PIEZO2: variants seen among roughly 807,000 people sequenced by gnomAD.
PIEZO2 encodes the protein piezo type mechanosensitive ion channel component 2, also known as piezo-type mechanosensitive ion channel component 2.
Under a neutral mutation model 337.3 loss-of-function variants are expected in PIEZO2, and 172 were observed. The ratio of observed to expected loss-of-function variants is 0.51; its 90% CI spans 0.45 to 0.58. The LOEUF is 0.58. PIEZO2 is among the 20% of genes least tolerant of loss of function. The probability of loss-of-function intolerance (pLI) is 0.00; values close to 1 mark genes in which losing one functional copy is unlikely to be tolerated. For missense variants in PIEZO2, 3,028 were observed against 3,391.3 expected, an observed-to-expected ratio of 0.89 and a Z score of 2.66; for synonymous variants, 1,251 against 1,228.5, an observed-to-expected ratio of 1.02 and a Z score of -0.38.
rs182177312 is a variant in PIEZO2 at position 10,899,572 on chromosome 18, G to C, written c.329+11614C>G. ...AGAGCTAATTTCAGACTTGCACGTA[G>C]GATGCAGAACAAATAAGAAATATGA... On this transcript the variant is annotated intron_variant, in intron 4 of 55. Coordinates refer to ENST00000674853, the MANE Select transcript of PIEZO2 (RefSeq NM_001378183.1). This position sits in a 1 kb window ranked among gnomAD's most constrained non-coding sequence, Gnocchi z 4.6. Among the ~76,000 whole-genome samples, 1 of 152,258 alleles carries C rather than the reference G, an allele frequency of 6.6e-6. No homozygotes were observed. Among genetic ancestry groups the C allele is most frequent in the Admixed American group, 6.5e-5 (1 of 15,292 alleles).
rs902156458 is a variant in PIEZO2, at chr18:10,954,924, A to G, written c.286+24611T>C. ...GAATATATTTTCTGGGTTCATTAAA[A>G]TTATTCTTGCACTTTAGATAATACA... On this transcript the variant is annotated intron_variant, in intron 3 of 55. Transcript: ENST00000674853. This position sits in a 1 kb window ranked among gnomAD's most constrained non-coding sequence, Gnocchi z 4.2. Among the ~76,000 whole-genome samples, 2 of 152,242 alleles carry G rather than the reference A, an allele frequency of 1.3e-5. No homozygotes were observed. Among genetic ancestry groups the G allele is most frequent in the Non-Finnish European group, 2.9e-5 (2 of 68,040 alleles).
chr18:10,719,054 G>A (rs927565079), intron 36 of PIEZO2, among the ~76,000 whole-genome samples: 4 of 151,618 alleles, frequency 2.6e-5, no homozygotes, highest in Non-Finnish European at 4.4e-5. Flanking sequence ...ATAGAAAATG[G>A]TTGTCATATC....
In PIEZO2 at chr18:11,125,276, T is replaced by G. The variant is rs1314727012; in HGVS notation, c.64+23249A>C. 1.3e-5 allele frequency among the ~76,000 whole-genome samples: 2 copies of G among 152,154 alleles called. No homozygotes were observed. Among genetic ancestry groups the G allele is most frequent in the African/African-American group, 4.8e-5 (2 of 41,426 alleles). On this transcript the variant is annotated intron_variant, in intron 1 of 55. Transcript: ENST00000674853. The surrounding 1 kb of genome is among the most constrained non-coding windows in gnomAD (Gnocchi z 4.4). ...CCTCTTGAGCTGATAATTCAAAAAG[T>G]ATGCGAATATGTTTTAAAAACTACG...
At chr18:10,770,383 T>G (rs2038549850) in intron 20 of PIEZO2, 75 bp from the exon 21 acceptor site, 3 of 1,403,068 alleles carry the variant, frequency 2.1e-6, no homozygotes, top group Non-Finnish European at 2.8e-6. Context: ...CTTGTAACTT[T>G]CAGGTTGGAA....
rs562172442 is a variant in PIEZO2 at position 10,731,020 on chromosome 18, C to CTA, written c.5029+386_5029+387insTA. On this transcript the variant is annotated intron_variant, in intron 36 of 55. Transcript: ENST00000674853. Reference sequence around the variant, plus strand: ...GGATTACAGGCATGAGCCACCGCGCCTGGCCTTAGCTTTTTCTAAGAACAA... The same window carrying CTA: ...GGATTACAGGCATGAGCCACCGCGCCTATGGCCTTAGCTTTTTCTAAGAACAA... Among the ~76,000 whole-genome samples, 844 of 152,172 alleles carry CTA rather than the reference C, an allele frequency of 5.5e-3. 9 individuals are homozygous for CTA. The highest frequency in any genetic ancestry group is 0.019 in the African/African-American group (792 of 41,542).
In PIEZO2 at chr18:10,888,561, T is replaced by A. The variant is rs1266055312; in HGVS notation, c.330-17146A>T. On this transcript the variant is annotated intron_variant, in intron 4 of 55. Transcript: ENST00000674853. This position sits in a 1 kb window ranked among gnomAD's most constrained non-coding sequence, Gnocchi z 4.1. ...ATTTGACAGAGTCCTTTGCATATAT[T>A]TCCACACACACGCATATGCCTTTAC... Among the ~76,000 whole-genome samples, 15 of 152,148 alleles carry A rather than the reference T, an allele frequency of 9.9e-5. No individual in the cohort carries two copies. The highest frequency in any genetic ancestry group is 9.8e-4 in the Admixed American group (15 of 15,278).
chr18:10,786,915 A>G, intron 16 of PIEZO2, 121 bp downstream of exon 16: 3 of 998,936 alleles, frequency 3.0e-6, no homozygotes, highest in South Asian at 3.4e-5. Context: ...AATTTCTATT[A>G]TTGAGGAACT....
intron 2 of PIEZO2, among the ~76,000 whole-genome samples, chr18:10,992,003 T>C (rs897213458): frequency 5.9e-5 from 9 of 152,258 alleles, no homozygotes; most frequent in African/African-American, 1.4e-4. Context: ...TTTTTTCATA[T>C]GTTCATTAGA....
Position 10,969,796 on chromosome 18 carries a change from G to A in PIEZO2, c.286+9739C>T, listed in dbSNP as rs966391934. ...AGAGAGGGCATGGGTGCACTTAGCC[G>A]CTCTCCTCAATTGTTTACTTGCAGG... On this transcript the variant is annotated intron_variant, in intron 3 of 55. Coordinates refer to ENST00000674853, the MANE Select transcript of PIEZO2 (RefSeq NM_001378183.1). This position sits in a 1 kb window ranked among gnomAD's most constrained non-coding sequence, Gnocchi z 4.5. Among the ~76,000 whole-genome samples the A allele has an allele frequency of 8.6e-5, 13 of 151,844 alleles. No homozygotes were observed. The highest frequency in any genetic ancestry group is 2.9e-4 in the African/African-American group (12 of 41,340).
rs555360432 is a variant in PIEZO2 at position 10,848,757 on chromosome 18, C to T, written c.917+6596G>A. Among the ~76,000 whole-genome samples, 18 of 152,298 alleles carry T rather than the reference C, an allele frequency of 1.2e-4. No individual in the cohort carries two copies. In the South Asian group the frequency reaches 3.3e-3, roughly 28 times the overall value. On this transcript the variant is annotated intron_variant, in intron 7 of 55. Transcript: ENST00000674853. ...AAAAGAGACAACTTAACGAATTGTT[C>T]AAAGTTGCATGCTCATTTCAGTGCT...
intron 2 of PIEZO2, among the ~76,000 whole-genome samples, chr18:11,000,070 CA>C (rs1238860464): frequency 6.6e-6 from 1 of 152,196 alleles, no homozygotes; most frequent in Non-Finnish European, 1.5e-5. Context: ...CTCATTCAAG[CA>C]CTCTTCAAAA....
At position 10,847,175 on chromosome 18, in the gene PIEZO2, A is replaced by G. The variant is rs1374159824; in HGVS notation, c.917+8178T>C. 2.0e-5 allele frequency among the ~76,000 whole-genome samples: 3 copies of G among 152,184 alleles called. No homozygotes were observed. The highest frequency in any genetic ancestry group is 1.5e-5 in the Non-Finnish European group (1 of 68,030). Reference sequence around the variant, plus strand: ...ATTAGCAGAATCCTCTTAGTGTGGTATTATTAAATCAGTGGAACCCATGTG... The same window carrying G: ...ATTAGCAGAATCCTCTTAGTGTGGTGTTATTAAATCAGTGGAACCCATGTG... On this transcript the variant is annotated intron_variant, in intron 7 of 55. Transcript: ENST00000674853. This position sits in a 1 kb window ranked among gnomAD's most constrained non-coding sequence, Gnocchi z 5.7.
In PIEZO2 at chr18:10,731,468, G is replaced by T. The variant is rs1423177409; in HGVS notation, c.4968C>A (p.His1656Gln). Residue 1656 changes from histidine (H) to glutamine (Q), a missense_variant, in exon 36 of 56, where the codon CAC (histidine) becomes CAA (glutamine). By Grantham distance (24) the His-to-Gln change is conservative (BLOSUM62 0). Coordinates refer to ENST00000674853, the MANE Select transcript of PIEZO2 (RefSeq NM_001378183.1). ...TDPKTALRQR[H>Q]KEKKRSAREE... ...CTCTTGCAGACCTTTTTTTCTCTTTGTGTCTTTGTCGGAGTGCTGTTTTAG... is the reference window on the plus strand; with the variant it reads ...CTCTTGCAGACCTTTTTTTCTCTTTTTGTCTTTGTCGGAGTGCTGTTTTAG... The T allele has an allele frequency of 1.3e-6, 2 of 1,532,734 alleles. No homozygotes were observed. Among genetic ancestry groups the T allele is most frequent in the African/African-American group, 1.4e-5 (1 of 72,642 alleles). The allele number at this position is 1,532,734 out of a possible 1,614,324, so 94.9% of individuals were successfully genotyped here.
At chr18:10,807,304 A>G in intron 7 of PIEZO2, 30 bp from the exon 8 acceptor site, 1 of 1,523,608 alleles carries the variant, frequency 6.6e-7, no homozygotes, top group Non-Finnish European at 8.8e-7. Context: ...AATGCTTAAA[A>G]GATGCAATAA....
chr18:10,749,577 C>G (rs1053063496), intron 29 of PIEZO2, among the ~76,000 whole-genome samples: 3 of 152,168 alleles, frequency 2.0e-5, no homozygotes, highest in African/African-American at 7.2e-5. Flanking sequence ...GTCCTTGGTT[C>G]TGGTGCAAGA....
At chr18:10,675,130 A>G in intron 54 of PIEZO2, 79 bp downstream of exon 54, 1 of 993,444 alleles carries the variant, frequency 1.0e-6, no homozygotes. Flanking sequence ...GGTTTCATGA[A>G]GGTCCAAAGC....
intron 33 of PIEZO2, among the ~76,000 whole-genome samples, chr18:10,737,287 A>AAAAAAAAAC (rs775291698): frequency 5.7e-4 from 37 of 65,382 alleles, no homozygotes; most frequent in African/African-American, 4.3e-3. Context: ...AGACATTTGA[A>AAAAAAAAAC]AAAAAAAAAA....
In PIEZO2 at chr18:11,047,670, G is replaced by A. The variant is rs535168165; in HGVS notation, c.160+18457C>T. On this transcript the variant is annotated intron_variant, in intron 2 of 55. Coordinates refer to ENST00000674853, the MANE Select transcript of PIEZO2 (RefSeq NM_001378183.1). The surrounding 1 kb of genome is among the most constrained non-coding windows in gnomAD (Gnocchi z 7.2). ...TTGGTCCTAAGGAGGAGGGCACGGG[G>A]GGAATCTGGGGAGAGCACTACAGCA... Among the ~76,000 whole-genome samples, 66 of 152,282 alleles carry A rather than the reference G, an allele frequency of 4.3e-4. No homozygotes were observed. The South Asian group carries it at 7.3e-3, about 17-fold the overall frequency.
intron 2 of PIEZO2, among the ~76,000 whole-genome samples, chr18:11,058,739 G>T (rs1326154863): frequency 6.6e-6 from 1 of 152,162 alleles, no homozygotes; most frequent in Non-Finnish European, 1.5e-5. Flanking sequence ...AGAATAAAAA[G>T]AAACGAACAA....
Sources: allele counts gnomAD v4.1 joint callset (sites outside exome capture counted in the v4.1 genomes callset), GRCh38; gene constraint gnomAD v4.1.1; non-coding constraint Gnocchi (gnomAD v3.1); transcripts MANE v1.5; gene names NCBI Gene and HGNC (gene_info 2026-07-23, HGNC 2026-07-21).